Variants in FBXO11 observed in about 807,000 individuals in gnomAD.
FBXO11 encodes F-box protein 11, also known as F-box only protein 11.
Under a neutral mutation model 117.0 loss-of-function variants are expected in FBXO11, and 13 were observed. The observed-to-expected ratio is 0.11, with a 90% confidence interval of 0.07 to 0.18. The LOEUF is 0.18. Ranked by LOEUF, FBXO11 falls within the 10% of genes least tolerant of loss-of-function variation. The pLI is 1.00. For missense variants in FBXO11, 767 were observed against 1,164.4 expected, an observed-to-expected ratio of 0.66 and a Z score of 4.97; for synonymous variants, 490 against 380.5, an observed-to-expected ratio of 1.29 and a Z score of -3.35.
At chr2:47,871,048 TCTTC>T (rs1355373098) in intron 1 of FBXO11, among the ~76,000 whole-genome samples, 6 of 152,120 alleles carry the variant, frequency 3.9e-5, no homozygotes, top group African/African-American at 1.4e-4. Flanking sequence ...TTGATACTCC[TCTTC>T]CTTGAGTATT....
intron 11 of FBXO11, among the ~76,000 whole-genome samples, chr2:47,823,838 TA>T (rs1671551945): frequency 6.6e-6 from 1 of 152,084 alleles, no homozygotes; most frequent in Non-Finnish European, 1.5e-5. Context: ...GAAAAAGATT[TA>T]AATGTTTTAA....
chr2:47,878,475 G>C (rs1286925585), intron 1 of FBXO11, among the ~76,000 whole-genome samples: 1 of 151,884 alleles, frequency 6.6e-6, no homozygotes, highest in Non-Finnish European at 1.5e-5. Context: ...TCCTGCCTCA[G>C]CCTCCCGAGT....
At position 47,834,638 on chromosome 2, in the gene FBXO11, G is replaced by A. The variant is rs779725916; in HGVS notation, c.875C>T (p.Ser292Phe). 2 of 1,608,678 alleles carry A rather than the reference G, an allele frequency of 1.2e-6. No homozygotes were observed. The highest frequency in any genetic ancestry group is 1.7e-6 in the Non-Finnish European group (2 of 1,176,210). The change falls in exon 7 of 23, where the codon TCT (serine) becomes TTT (phenylalanine). Residue 292 changes from serine to phenylalanine, a missense_variant. By Grantham distance (155) the Ser-to-Phe change is radical. Coordinates refer to ENST00000403359, the MANE Select transcript of FBXO11 (RefSeq NM_001190274.2). ...TATCCATTCATCAGTATATATTCCA[G>A]AATGAACAAAGATAAGTCCATCAAA... ...AHFDGLIFVH[S>F]GIYTDEWIYI...
In FBXO11 at chr2:47,838,905, A is replaced by T; in HGVS notation, c.541T>A (p.Cys181Ser). The change falls in exon 4 of 23, where the codon TGT becomes AGT. Residue 181 changes from cysteine to serine, a missense_variant. By Grantham distance (112) the Cys-to-Ser change is moderately radical. Transcript: ENST00000403359. The part of the protein sequence containing the change: ...LLEQDLCRAA[C>S]VCKRFSELAN... ...AGTTCACTGAAGCGTTTACATACACAAGCTGCTCTACAAAGATCCTGTTCC... is the reference window on the plus strand; with the variant it reads ...AGTTCACTGAAGCGTTTACATACACTAGCTGCTCTACAAAGATCCTGTTCC... The T allele has an allele frequency of 6.2e-7, 1 of 1,614,064 alleles. No individual in the cohort carries two copies. The highest frequency in any genetic ancestry group is 8.5e-7 in the Non-Finnish European group (1 of 1,179,950).
intron 1 of FBXO11, among the ~76,000 whole-genome samples, chr2:47,877,106 A>C (rs929123085): frequency 4.6e-5 from 7 of 151,300 alleles, no homozygotes; most frequent in Admixed American, 4.0e-4. Flanking sequence ...GGCTCACTGC[A>C]GCCTCAACCT....
intron 1 of FBXO11, among the ~76,000 whole-genome samples, chr2:47,887,902 G>C (rs769895549): frequency 2.0e-5 from 3 of 152,088 alleles, no homozygotes; most frequent in Non-Finnish European, 4.4e-5. Flanking sequence ...TGTAGTCCTA[G>C]CTACTGGCGC....
chr2:47,835,735 T>C (rs985277615), intron 5 of FBXO11, 137 bp downstream of exon 5: 6 of 497,076 alleles, frequency 1.2e-5, no homozygotes, highest in Non-Finnish European at 2.0e-5. Flanking sequence ...TGACCTCAGG[T>C]AATCCTCCTA....
chr2:47,821,901 G>C (rs966553548), intron 13 of FBXO11, among the ~76,000 whole-genome samples: 5 of 152,160 alleles, frequency 3.3e-5, no homozygotes, highest in African/African-American at 1.2e-4. Flanking sequence ...AGACCAGCCT[G>C]GGCAACAAGG....
intron 1 of FBXO11, among the ~76,000 whole-genome samples, chr2:47,861,700 T>A (rs542304721): frequency 4.3e-4 from 65 of 152,228 alleles, no homozygotes; most frequent in African/African-American, 1.5e-3. Flanking sequence ...GTTAACTTGC[T>A]TGGTTTTGGC....
intron 1 of FBXO11, among the ~76,000 whole-genome samples, chr2:47,848,111 G>A (rs1184709667): frequency 5.9e-5 from 9 of 151,474 alleles, no homozygotes; most frequent in East Asian, 5.8e-4. Context: ...GCGACAGAGC[G>A]AGACCCCATC....
At chr2:47,829,515 T>C (rs1487920933) in intron 11 of FBXO11, among the ~76,000 whole-genome samples, 1 of 152,128 alleles carries the variant, frequency 6.6e-6, no homozygotes, top group African/African-American at 2.4e-5. Context: ...GCTAGGATTA[T>C]AGGCATGAGC....
rs550435366 is a variant in FBXO11, at chr2:47,856,627, G to T, written c.233-16858C>A. Among the ~76,000 whole-genome samples, 35 of 152,344 alleles carry T rather than the reference G, an allele frequency of 2.3e-4. 1 individual carries two copies. The highest frequency in any genetic ancestry group is 8.2e-4 in the African/African-American group (34 of 41,576). On this transcript the variant is annotated intron_variant, in intron 1 of 22. Coordinates refer to ENST00000403359, the MANE Select transcript of FBXO11 (RefSeq NM_001190274.2). ...TCTTTTGAGTGGCCTACGGACAGTT[G>T]TATCAGTTAGTGGAGAACAAAACAT...
chr2:47,829,366 G>A (rs1020257641), intron 11 of FBXO11, among the ~76,000 whole-genome samples: 3 of 151,870 alleles, frequency 2.0e-5, no homozygotes, highest in South Asian at 2.1e-4. Context: ...TTAGCCTCTC[G>A]AGTAGCTGGG....
At chr2:47,813,729 G>A (rs542596489) in intron 17 of FBXO11, 62 bp downstream of exon 17, 95 of 1,405,772 alleles carry the variant, frequency 6.8e-5, no homozygotes, top group African/African-American at 6.5e-4. Context: ...CACCGTGCCC[G>A]GCCTAGAAGG....
chr2:47,812,941 T>C, intron 18 of FBXO11: 1 of 344,478 alleles, frequency 2.9e-6, no homozygotes, highest in South Asian at 3.1e-5. Flanking sequence ...TTGAAGTTTA[T>C]TATAATCATA....
At chr2:47,846,724 T>G (rs955431557) in intron 1 of FBXO11, among the ~76,000 whole-genome samples, 3 of 151,414 alleles carry the variant, frequency 2.0e-5, no homozygotes, top group African/African-American at 7.3e-5. Context: ...ATACTTAACA[T>G]ATTAAATCTG....
At chr2:47,844,451 T>G (rs766695490) in intron 1 of FBXO11, among the ~76,000 whole-genome samples, 4 of 152,174 alleles carry the variant, frequency 2.6e-5, no homozygotes, top group African/African-American at 9.7e-5. Flanking sequence ...TATCCCCATA[T>G]GTGCAATAAA....
intron 1 of FBXO11, among the ~76,000 whole-genome samples, chr2:47,882,731 A>T (rs1028903230): frequency 2.0e-5 from 3 of 152,120 alleles, no homozygotes; most frequent in Non-Finnish European, 4.4e-5. Flanking sequence ...GGCTTATTGC[A>T]ATCTCTGCCT....
chr2:47,853,157 C>T (rs1674006758), intron 1 of FBXO11, among the ~76,000 whole-genome samples: 2 of 151,826 alleles, frequency 1.3e-5, no homozygotes, highest in Admixed American at 6.6e-5. Flanking sequence ...CTGCAACCTC[C>T]GCCTCCTGAG....
Sources: allele counts gnomAD v4.1 joint callset (sites outside exome capture counted in the v4.1 genomes callset), GRCh38; gene constraint gnomAD v4.1.1; transcripts MANE v1.5; gene names NCBI Gene and HGNC (gene_info 2026-07-23, HGNC 2026-07-21).